Variants in CDC23 observed in about 807,000 individuals in gnomAD.
CDC23 encodes the protein cell division cycle 23, also known as cell division cycle protein 23 homolog.
Under a neutral mutation model 81.7 loss-of-function variants are expected in CDC23, and 26 were observed. The ratio of observed to expected loss-of-function variants is 0.32; its 90% CI spans 0.23 to 0.44. The LOEUF is 0.44. Ranked by LOEUF, CDC23 falls within the 20% of genes least tolerant of loss-of-function variation. The pLI, the probability that CDC23 is intolerant of heterozygous loss-of-function variation, is 1.00. For missense variants in CDC23, 519 were observed against 728.0 expected, an observed-to-expected ratio of 0.71 and a Z score of 3.30; for synonymous variants, 267 against 270.8, an observed-to-expected ratio of 0.99 and a Z score of 0.14.
rs567871056 is a variant in CDC23, at chr5:138,196,644, G to A, written c.1012+1555C>T. Among the ~76,000 whole-genome samples the A allele has an allele frequency of 6.7e-5, 10 of 149,892 alleles. No homozygotes were observed. The East Asian group carries it at 1.8e-3, about 27-fold the overall frequency. ...CGCCTAGGCTGGAGTGCAGTGGCAC[G>A]ATCTCGGCTCACTGCAACCTCCGCC... On this transcript the variant is annotated intron_variant, in intron 9 of 15. Transcript: ENST00000394886.
chr5:138,192,277 G>A lies in CDC23; in HGVS notation c.1278C>T (p.His426=). 1.9e-6 allele frequency: 3 copies of A among 1,614,134 alleles called. No individual in the cohort carries two copies. The highest frequency in any genetic ancestry group is 1.7e-6 in the Non-Finnish European group (2 of 1,180,028). ...FYCLYYYRRA[H]QLRPNDSRML... ...CAAGTGACCAGGCTTACCGAAGCTG[G>A]TGGGCCCGTCTATAATAATAAAGGC... Residue 426 remains histidine, a synonymous_variant, in exon 11 of 16, where the codon CAC becomes CAT. Coordinates refer to ENST00000394886, the MANE Select transcript of CDC23 (RefSeq NM_004661.4).
At chr5:138,190,318 C>T (rs1754812157) in intron 13 of CDC23, among the ~76,000 whole-genome samples, 1 of 151,752 alleles carries the variant, frequency 6.6e-6, no homozygotes, top group South Asian at 2.1e-4. Flanking sequence ...ATTAGCCGGG[C>T]GTTGTGACAC....
chr5:138,191,580 T>C (rs757036115), intron 12 of CDC23, 45 bp from the exon 13 acceptor site: 4 of 1,554,654 alleles, frequency 2.6e-6, no homozygotes, highest in African/African-American at 2.7e-5. Context: ...GTCCCATGTG[T>C]CACAACTAAA....
At chr5:138,189,247 G>C in intron 15 of CDC23, 99 bp from the exon 16 acceptor site, 1 of 1,167,614 alleles carries the variant, frequency 8.6e-7, no homozygotes, top group Admixed American at 2.3e-5. Context: ...GATCAAGGAG[G>C]CGGGAGGCTT....
At position 138,188,209 on chromosome 5, in the gene CDC23, A is replaced by G. The variant is rs1216771188; in HGVS notation, c.*769T>C. On this transcript the variant is annotated 3_prime_UTR_variant, in exon 16 of 16. Transcript: ENST00000394886. ...TCTTGTCTGTATAATCACCAATGTT[A>G]TTTCCAAATGTCCGTGAAATTATCT... is the stretch of plus-strand genomic sequence containing the variant. The G allele has an allele frequency of 6.6e-6, 1 of 152,154 alleles. No homozygotes were observed. The highest frequency in any genetic ancestry group is 2.4e-5 in the African/African-American group (1 of 41,422). The allele number at this position is 152,154 out of a possible 1,614,324, so 9.4% of individuals were successfully genotyped here.
intron 3 of CDC23, among the ~76,000 whole-genome samples, chr5:138,203,374 C>T (rs1755011683): frequency 6.6e-6 from 1 of 151,900 alleles, no homozygotes; most frequent in African/African-American, 2.4e-5. Context: ...TATGGGAACT[C>T]CTGTACTTTC....
rs778822607 is a variant in CDC23 at position 138,206,655 on chromosome 5, G to C, written c.264C>G (p.Thr88=). The part of the protein sequence containing the change: ...EEDAQDMDAY[T]LAKAYFDVKE... ...TAACGTCAAAGTAGGCCTTGGCCAGGGTATAGGCATCCATATCCTGGGCAT... is the reference window on the plus strand; with the variant it reads ...TAACGTCAAAGTAGGCCTTGGCCAGCGTATAGGCATCCATATCCTGGGCAT... The change falls in exon 3 of 16, where the codon ACC becomes ACG. Residue 88 remains threonine (T), a synonymous_variant. Transcript: ENST00000394886. 28 of 1,612,958 alleles carry C rather than the reference G, an allele frequency of 1.7e-5. No homozygotes were observed. Among genetic ancestry groups the C allele is most frequent in the Non-Finnish European group, 2.2e-5 (26 of 1,179,586 alleles).
In CDC23 at chr5:138,192,663, TA is replaced by T. The variant is rs775176338; in HGVS notation, c.1013-7del. Reference sequence around the variant, plus strand: ...ACGTAAACTGTAATAATTGCCTGATTAAAAATCAAACAAAAAAATGAATAAT... The same window carrying T: ...ACGTAAACTGTAATAATTGCCTGATTAAAATCAAACAAAAAAATGAATAAT... On this transcript the variant is annotated splice_polypyrimidine_tract_variant and splice_region_variant and intron_variant, in intron 9 of 15. Coordinates refer to ENST00000394886, the MANE Select transcript of CDC23 (RefSeq NM_004661.4). The T allele has an allele frequency of 1.7e-5, 27 of 1,597,494 alleles. No homozygotes were observed. The highest frequency in any genetic ancestry group is 2.3e-5 in the Non-Finnish European group (27 of 1,175,422).
At position 138,188,543 on chromosome 5, in the gene CDC23, T is replaced by C. The variant is rs982621879; in HGVS notation, c.*435A>G. On this transcript the variant is annotated 3_prime_UTR_variant, in exon 16 of 16. Coordinates refer to ENST00000394886, the MANE Select transcript of CDC23 (RefSeq NM_004661.4). ...CCAAGAGCAAGGTCATTTGTATCCA[T>C]TGCTCTGACTTCTTCCTAGGGTACT... 16 of 154,014 alleles carry C rather than the reference T, an allele frequency of 1.0e-4. No homozygotes were observed. Among genetic ancestry groups the C allele is most frequent in the African/African-American group, 3.9e-4 (16 of 41,454 alleles). 9.5% of individuals were successfully genotyped at this position (154,014 alleles called of 1,614,324 possible).
intron 9 of CDC23, among the ~76,000 whole-genome samples, chr5:138,194,491 C>A (rs985589261): frequency 5.3e-5 from 8 of 152,082 alleles, no homozygotes; most frequent in African/African-American, 1.9e-4. Flanking sequence ...TATGAAATTC[C>A]TGGAACAGGC....
At chr5:138,193,712 A>G (rs1050108096) in intron 9 of CDC23, among the ~76,000 whole-genome samples, 3 of 151,966 alleles carry the variant, frequency 2.0e-5, no homozygotes, top group African/African-American at 7.3e-5. Context: ...TAATCCCACC[A>G]CTTTGGGAGG....
At chr5:138,209,823 C>CAA (rs547832716) in intron 2 of CDC23, among the ~76,000 whole-genome samples, 10 of 118,978 alleles carry the variant, frequency 8.4e-5, no homozygotes, top group Admixed American at 2.6e-4. Flanking sequence ...AACTCCGTCT[C>CAA]AAAAAAAAAA....
chr5:138,195,582 T>G (rs1183191306), intron 9 of CDC23, among the ~76,000 whole-genome samples: 1 of 58,154 alleles, frequency 1.7e-5, no homozygotes, highest in Non-Finnish European at 3.9e-5. Context: ...ATATAATATA[T>G]TATATATAAT....
intron 2 of CDC23, 123 bp downstream of exon 2, chr5:138,212,868 C>A: frequency 1.3e-6 from 1 of 749,854 alleles, no homozygotes; most frequent in Admixed American, 2.4e-5. Flanking sequence ...CTTTGAATGC[C>A]TGAATTCCCT....
chr5:138,201,152 C>T lies in CDC23; in HGVS notation c.609G>A (p.Trp203Ter). The change falls in exon 6 of 16, where the codon TGG becomes TGA. Residue 203 changes from tryptophan to a stop codon, truncating the protein, a stop_gained. Transcript: ENST00000394886. LOFTEE classifies it high-confidence loss of function. ...VEATHVLPLHWGAWLELCNLI... is the reference protein window; with the variant it reads ...VEATHVLPLH ...GGTTACAGAGTTCTAACCAGGCTCC[C>T]CAATGCAAGGGCAAAACATGAGTAG... The T allele has an allele frequency of 2.5e-6, 4 of 1,614,142 alleles. No individual in the cohort carries two copies. Among genetic ancestry groups the T allele is most frequent in the Non-Finnish European group, 3.4e-6 (4 of 1,180,032 alleles).
intron 9 of CDC23, among the ~76,000 whole-genome samples, chr5:138,197,304 C>CA (rs33974714): frequency 0.39 from 22,625 of 58,308 alleles, 4,253 homozygotes; most frequent in East Asian, 0.46. Flanking sequence ...ACTCTGTCAC[C>CA]AAAAAAAAAA....
At position 138,198,903 on chromosome 5, in the gene CDC23, G is replaced by A. The variant is rs1050815860; in HGVS notation, c.655-121C>T. 5 of 975,388 alleles carry A rather than the reference G, an allele frequency of 5.1e-6. No individual in the cohort carries two copies. In the African/African-American group the frequency reaches 6.6e-5, roughly 13 times the overall value. The allele number at this position is 975,388 out of a possible 1,614,324, so 60.4% of individuals were successfully genotyped here. A position where few individuals can be genotyped will look rare whatever the true frequency, so the allele number is the denominator to read the frequency against. ...CACTAAAATTTTATTAGAACACCTA[G>A]TAATGAAAACAGGACAGTCCAATTA... On this transcript the variant is annotated intron_variant, in intron 6 of 15. Transcript: ENST00000394886.
intron 6 of CDC23, among the ~76,000 whole-genome samples, chr5:138,200,181 G>A (rs969732831): frequency 3.3e-5 from 5 of 152,212 alleles, no homozygotes. Flanking sequence ...GCCCAGGCTA[G>A]AGTGAAATAG....
intron 6 of CDC23, among the ~76,000 whole-genome samples, chr5:138,199,856 CAAGAT>C (rs1239183496): frequency 6.6e-6 from 1 of 152,020 alleles, no homozygotes; most frequent in African/African-American, 2.4e-5. Context: ...AAAAGTAAAC[CAAGAT>C]AAGATTTCAG....
Sources: gnomAD v4.1 joint callset for allele counts (sites outside exome capture counted in the v4.1 genomes callset) on GRCh38, gnomAD v4.1.1 for gene constraint, MANE v1.5 for transcripts, NCBI Gene and HGNC (gene_info 2026-07-23, HGNC 2026-07-21) for gene names.